The following STK3 variants were observed in gnomAD, a reference collection of about 807,000 sequenced individuals.
The protein encoded by STK3 is serine/threonine-protein kinase 3.
In STK3, 41 loss-of-function variants were observed where a neutral mutation model predicts 58.0. That is an observed-to-expected ratio of 0.71 (90% CI 0.55 to 0.92). STK3 has a LOEUF of 0.92. STK3 is among the 40% of genes least tolerant of loss of function. The probability of loss-of-function intolerance (pLI) is 0.00; values close to 1 mark genes in which losing one functional copy is unlikely to be tolerated. For missense variants in STK3, 479 were observed against 602.7 expected, an observed-to-expected ratio of 0.79 and a Z score of 2.15; for synonymous variants, 170 against 191.0, an observed-to-expected ratio of 0.89 and a Z score of 0.91.
At chr8:98,707,917 T>C (rs1193249212) in intron 4 of STK3, among the ~76,000 whole-genome samples, 1 of 151,976 alleles carries the variant, frequency 6.6e-6, no homozygotes, top group Non-Finnish European at 1.5e-5. Context: ...GGCGAGCAGA[T>C]CACTTGAGGT....
At chr8:98,788,340 A>G (rs1401501712) in intron 1 of STK3, among the ~76,000 whole-genome samples, 1 of 152,100 alleles carries the variant, frequency 6.6e-6, no homozygotes, top group Non-Finnish European at 1.5e-5. Context: ...CAGGAGGCTG[A>G]GACAGGAGAA....
chr8:98,784,696 G>C (rs990449590), intron 1 of STK3, among the ~76,000 whole-genome samples: 21 of 152,008 alleles, frequency 1.4e-4, no homozygotes, highest in African/African-American at 5.1e-4. Context: ...TACCCTTCCT[G>C]TGTGTGCATA....
intron 3 of STK3, among the ~76,000 whole-genome samples, chr8:98,838,074 C>CAAAA (rs58973724): frequency 1.5e-4 from 9 of 58,750 alleles, no homozygotes; most frequent in East Asian, 6.3e-4. Flanking sequence ...ACTAAAAATA[C>CAAAA]AAAAAAAAAA....
intron 4 of STK3, among the ~76,000 whole-genome samples, chr8:98,726,162 G>A (rs1028253789): frequency 6.6e-6 from 1 of 152,214 alleles, no homozygotes; most frequent in Non-Finnish European, 1.5e-5. Flanking sequence ...ATGAAGGTGG[G>A]CCTGACTGAC....
intron 1 of STK3, among the ~76,000 whole-genome samples, chr8:98,885,441 G>GTGTTT (rs1431534866): frequency 1.5e-5 from 2 of 131,998 alleles, no homozygotes; most frequent in Admixed American, 7.1e-5. Flanking sequence ...GTTTTGTTTT[G>GTGTTT]TGTTTTGTTT....
intron 10 of STK3, among the ~76,000 whole-genome samples, chr8:98,485,398 T>G (rs969993406): frequency 1.3e-5 from 2 of 152,192 alleles, no homozygotes; most frequent in Non-Finnish European, 2.9e-5. Context: ...GTGTGTTTTA[T>G]AAACAAAGCA....
chr8:98,546,395 A>G (rs1018454344), intron 9 of STK3, among the ~76,000 whole-genome samples: 4 of 152,166 alleles, frequency 2.6e-5, no homozygotes, highest in Non-Finnish European at 5.9e-5. Context: ...ACTATTATAT[A>G]TATGCTGATG....
intron 10 of STK3, among the ~76,000 whole-genome samples, chr8:98,519,279 TAAAACAAA>T (rs1211807492): frequency 1.3e-5 from 2 of 151,856 alleles, no homozygotes; most frequent in Non-Finnish European, 2.9e-5. Flanking sequence ...GCTATACTGG[TAAAACAAA>T]CAAACAAACA....
chr8:98,550,609 A>G (rs1811082568), intron 8 of STK3, among the ~76,000 whole-genome samples: 1 of 151,972 alleles, frequency 6.6e-6, no homozygotes, highest in African/African-American at 2.4e-5. Context: ...TCTTAGCTCC[A>G]TCTCTTCTTT....
At chr8:98,418,911 T>A (rs1045886966) in intron 3 of STK3, among the ~76,000 whole-genome samples, 3 of 152,188 alleles carry the variant, frequency 2.0e-5, no homozygotes, top group African/African-American at 7.2e-5. Flanking sequence ...AGACATGCAG[T>A]CAGTGCATTT....
At chr8:98,562,187 C>T (rs1812093369) in intron 8 of STK3, among the ~76,000 whole-genome samples, 1 of 152,074 alleles carries the variant, frequency 6.6e-6, no homozygotes, top group Admixed American at 6.6e-5. Flanking sequence ...AAACTTATAT[C>T]CATACAAAAG....
chr8:98,520,541 C>T (rs370465643), intron 10 of STK3, among the ~76,000 whole-genome samples: 4 of 151,916 alleles, frequency 2.6e-5, no homozygotes, highest in African/African-American at 9.7e-5. Context: ...ATAAAGTGTT[C>T]TCTTTCATTT....
At chr8:98,434,395 A>G (rs752115125) in intron 2 of STK3, 3 of 152,130 alleles carry the variant, frequency 2.0e-5, no homozygotes, top group Non-Finnish European at 2.9e-5. Flanking sequence ...GGAAAAACAA[A>G]CACCTCCCCT....
chr8:98,780,093 C>T (rs1831985638), intron 1 of STK3, among the ~76,000 whole-genome samples: 1 of 151,438 alleles, frequency 6.6e-6, no homozygotes, highest in African/African-American at 2.4e-5. Flanking sequence ...TGTAGTATAA[C>T]ATAAGATCAC....
chr8:98,825,561 G>C lies in STK3; in HGVS notation c.-21C>G, dbSNP rs374484621. ...TCCATGGCGGCCGGGGACAGAGAGAGGGACCTGGTGGACGGCGAAGGCCGA... is the reference window on the plus strand; with the variant it reads ...TCCATGGCGGCCGGGGACAGAGAGACGGACCTGGTGGACGGCGAAGGCCGA... On this transcript the variant is annotated 5_prime_UTR_variant, in exon 1 of 11. Coordinates refer to ENST00000419617, the MANE Select transcript of STK3 (RefSeq NM_006281.4). The C allele has an allele frequency of 5.1e-3, 7,375 of 1,451,688 alleles. 22 individuals are homozygous for C. Among genetic ancestry groups the C allele is most frequent in the Non-Finnish European group, 6.0e-3 (6,634 of 1,096,768 alleles). The allele number at this position is 1,451,688 out of a possible 1,614,324, so 89.9% of individuals were successfully genotyped here.
chr8:98,608,834 G>A (rs1262873870), intron 6 of STK3, among the ~76,000 whole-genome samples: 2 of 152,106 alleles, frequency 1.3e-5, no homozygotes, highest in African/African-American at 4.8e-5. Context: ...ACAGCCTTCT[G>A]GTCAAAATTT....
At chr8:98,757,520 G>A (rs545844891) in intron 3 of STK3, among the ~76,000 whole-genome samples, 6 of 149,024 alleles carry the variant, frequency 4.0e-5, no homozygotes, top group Admixed American at 1.3e-4. Flanking sequence ...TCTTGAACCC[G>A]GGAGGCAGAG....
rs563757042 is a variant in STK3 at position 98,407,579 on chromosome 8, G to C, written n.484-6066C>G. 7.2e-5 allele frequency among the ~76,000 whole-genome samples: 11 copies of C among 152,358 alleles called. No individual in the cohort carries two copies. In the South Asian group the frequency reaches 2.3e-3, roughly 32 times the overall value. On this transcript the variant is annotated intron_variant and non_coding_transcript_variant, in intron 3 of 3. Transcript: ENST00000517832. The stretch of plus-strand genomic sequence containing the variant: ...GCCATGAATGTGAGTGTAGTGGAGA[G>C]AGGGTGGGGATATTTATGGAGCTGA...
chr8:98,551,744 C>G (rs985060711), intron 8 of STK3, among the ~76,000 whole-genome samples: 10 of 152,122 alleles, frequency 6.6e-5, no homozygotes, highest in Admixed American at 5.9e-4. Flanking sequence ...TCCTTTACCC[C>G]CCGAATATGC....
Sources: allele counts gnomAD v4.1 joint callset (sites outside exome capture counted in the v4.1 genomes callset), GRCh38; gene constraint gnomAD v4.1.1; transcripts MANE v1.5; gene names NCBI Gene and HGNC (gene_info 2026-07-23, HGNC 2026-07-21).